CAMTA1: variants seen among roughly 807,000 people sequenced by gnomAD.
CAMTA1 encodes the protein calmodulin-binding transcription activator 1.
In CAMTA1, 27 loss-of-function variants were observed where a neutral mutation model predicts 170.9. The ratio of observed to expected loss-of-function variants is 0.16; its 90% confidence interval spans 0.12 to 0.22. The LOEUF (loss-of-function observed/expected upper bound fraction) is 0.22. Ranked by LOEUF, CAMTA1 falls within the 10% of genes least tolerant of loss-of-function variation. The probability of loss-of-function intolerance (pLI) is 1.00; values close to 1 mark genes in which losing one functional copy is unlikely to be tolerated. For synonymous variants in CAMTA1, 833 were observed against 891.5 expected (o/e 0.93, Z 1.17); for missense variants, 1,619 against 2,217.2 (o/e 0.73, Z 5.42).
intron 6 of CAMTA1, among the ~76,000 whole-genome samples, chr1:7,498,149 T>C: frequency 6.6e-6 from 1 of 151,686 alleles, no homozygotes; most frequent in Non-Finnish European, 1.5e-5. Context: ...AACAGGATAC[T>C]GGAGATTTGT....
chr1:7,023,742 T>C (rs1701671617), intron 3 of CAMTA1, among the ~76,000 whole-genome samples: 1 of 152,172 alleles, frequency 6.6e-6, no homozygotes, highest in Admixed American at 6.5e-5. Context: ...AATGAGTTAG[T>C]TAAGGCCAGG....
Position 7,745,992 on chromosome 1 carries a change from G to T in CAMTA1, c.4518G>T (p.Lys1506Asn). ...SEFLSASTSE[K>N]VENEFAQLTL... is the part of the protein sequence containing the mutation. ...TCCTGAGTGCATCTACCAGTGAGAA[G>T]GTAGAGAATGAGTTTGCTCAGCTCA... Residue 1506 changes from lysine (K) to asparagine (N), a missense_variant, in exon 18 of 23, where the codon AAG (lysine) becomes AAT (asparagine). Lys to Asn is a moderately conservative substitution (Grantham distance 94). Transcript: ENST00000303635. 6.2e-7 allele frequency: 1 copy of T among 1,614,202 alleles called. No homozygotes were observed. The highest frequency in any genetic ancestry group is 8.5e-7 in the Non-Finnish European group (1 of 1,180,038).
chr1:7,055,915 C>A (rs1032278040), intron 3 of CAMTA1, among the ~76,000 whole-genome samples: 5 of 152,040 alleles, frequency 3.3e-5, no homozygotes, highest in Non-Finnish European at 7.4e-5. Flanking sequence ...ACAGCGAGTC[C>A]CCTGCCCCTT....
In CAMTA1 at chr1:7,249,690, A is replaced by G. The variant is rs568514298; in HGVS notation, c.438+64A>G. 6.4e-6 allele frequency: 10 copies of G among 1,569,630 alleles called. No homozygotes were observed. In the South Asian group the frequency reaches 1.1e-4, roughly 17 times the overall value. ...ATTTGCAGGCTGCAGTGGAGAATGG[A>G]ATTGCTTGGAGTAATTTGATGCGAG... On this transcript the variant is annotated intron_variant, in intron 5 of 22. Transcript: ENST00000303635. The surrounding 1 kb of genome is among the most constrained non-coding windows in gnomAD (Gnocchi z 4.4).
At chr1:7,525,159 T>C in intron 6 of CAMTA1, among the ~76,000 whole-genome samples, 1 of 152,166 alleles carries the variant, frequency 6.6e-6, no homozygotes, top group East Asian at 1.9e-4. Flanking sequence ...CAGGAGTTGC[T>C]CTGCTCTACC....
chr1:7,727,991 C>T (rs1184242444), intron 11 of CAMTA1, among the ~76,000 whole-genome samples: 2 of 152,250 alleles, frequency 1.3e-5, no homozygotes, highest in Non-Finnish European at 2.9e-5. Flanking sequence ...TTTTAATTAT[C>T]ACTCGCTTCC....
At chr1:7,498,150 G>A (rs1357894621) in intron 6 of CAMTA1, among the ~76,000 whole-genome samples, 1 of 151,732 alleles carries the variant, frequency 6.6e-6, no homozygotes, top group East Asian at 1.9e-4. Flanking sequence ...ACAGGATACT[G>A]GAGATTTGTG....
chr1:6,909,913 C>T (rs1275041660), intron 3 of CAMTA1, among the ~76,000 whole-genome samples: 1 of 152,218 alleles, frequency 6.6e-6, no homozygotes, highest in African/African-American at 2.4e-5. Flanking sequence ...GGAAGTTTTC[C>T]TGCCTCTGCA....
chr1:7,409,015 G>A (rs2090505840), intron 5 of CAMTA1, among the ~76,000 whole-genome samples: 1 of 152,178 alleles, frequency 6.6e-6, no homozygotes, highest in Non-Finnish European at 1.5e-5. Context: ...CTGGCCCTCA[G>A]CAGACAACAC....
chr1:7,295,257 C>G (rs1004596605), intron 5 of CAMTA1, among the ~76,000 whole-genome samples: 1 of 152,192 alleles, frequency 6.6e-6, no homozygotes, highest in African/African-American at 2.4e-5. Flanking sequence ...CACACATGCC[C>G]GTACTCAATG....
chr1:7,085,333 T>C (rs1289382408), intron 3 of CAMTA1, among the ~76,000 whole-genome samples: 1 of 152,242 alleles, frequency 6.6e-6, no homozygotes, highest in Non-Finnish European at 1.5e-5. Flanking sequence ...GCCTCAGGCA[T>C]GGGCTCTTGA....
At chr1:7,706,521 T>C (rs928511978) in intron 11 of CAMTA1, among the ~76,000 whole-genome samples, 3 of 152,258 alleles carry the variant, frequency 2.0e-5, no homozygotes, top group Admixed American at 6.5e-5. Context: ...AGAAGCACTT[T>C]TCCTGCTGTG....
intron 6 of CAMTA1, among the ~76,000 whole-genome samples, chr1:7,575,295 T>C (rs2095177072): frequency 6.6e-6 from 1 of 152,016 alleles, no homozygotes; most frequent in South Asian, 2.1e-4. Context: ...TACCCCACAC[T>C]GCCCCGACTC....
At chr1:7,647,091 C>G (rs1389743607) in intron 7 of CAMTA1, among the ~76,000 whole-genome samples, 1 of 152,180 alleles carries the variant, frequency 6.6e-6, no homozygotes, top group Non-Finnish European at 1.5e-5. Flanking sequence ...GCTGCTTAGC[C>G]AGCACCTGCT....
chr1:7,743,482 C>T (rs1028266142), intron 16 of CAMTA1, among the ~76,000 whole-genome samples: 31 of 152,174 alleles, frequency 2.0e-4, no homozygotes, highest in African/African-American at 6.5e-4. Flanking sequence ...ATCTGCAGTC[C>T]GTCTCTGCCC....
intron 5 of CAMTA1, among the ~76,000 whole-genome samples, chr1:7,406,409 C>T (rs887900227): frequency 6.6e-6 from 1 of 152,170 alleles, no homozygotes; most frequent in African/African-American, 2.4e-5. Context: ...GCAGGGCAGT[C>T]CTCCACGTCT....
intron 22 of CAMTA1, among the ~76,000 whole-genome samples, chr1:7,758,528 T>A (rs1476673053): frequency 1.3e-5 from 2 of 152,208 alleles, no homozygotes; most frequent in African/African-American, 4.8e-5. Flanking sequence ...CGTTCTTCCA[T>A]CGGAGAAGTC....
chr1:7,503,994 C>G (rs2094054666), intron 6 of CAMTA1, among the ~76,000 whole-genome samples: 1 of 152,198 alleles, frequency 6.6e-6, no homozygotes, highest in Non-Finnish European at 1.5e-5. Flanking sequence ...ACCAGGTGAA[C>G]AGTCTGACCC....
At chr1:6,903,047 C>G (rs906233579) in intron 3 of CAMTA1, among the ~76,000 whole-genome samples, 3 of 152,022 alleles carry the variant, frequency 2.0e-5, no homozygotes, top group African/African-American at 7.3e-5. Flanking sequence ...ATAGAAACAG[C>G]CCAAATATCC....
Sources: allele counts gnomAD v4.1 joint callset (sites outside exome capture counted in the v4.1 genomes callset), GRCh38; gene constraint gnomAD v4.1.1; non-coding constraint Gnocchi (gnomAD v3.1); transcripts MANE v1.5; gene names NCBI Gene and HGNC (gene_info 2026-07-23, HGNC 2026-07-21).